The following MTBP variants were observed in gnomAD, a reference collection of about 807,000 sequenced individuals.
MTBP encodes the protein MDM2 binding protein, also known as mdm2-binding protein.
In MTBP, 101 loss-of-function variants were observed where a neutral mutation model predicts 117.0. That is an observed-to-expected ratio of 0.86 (90% CI 0.73 to 1.02). The LOEUF (loss-of-function observed/expected upper bound fraction) is 1.02. MTBP is among the 50% of genes least tolerant of loss of function. MTBP has a pLI of 0.00. For missense variants in MTBP, 970 were observed against 1,030.9 expected, an observed-to-expected ratio of 0.94 and a Z score of 0.81; for synonymous variants, 350 against 351.5, an observed-to-expected ratio of 1.00 and a Z score of 0.05.
chr8:120,506,669 C>A, intron 15 of MTBP, 37 bp from the exon 16 acceptor site: 1 of 1,442,650 alleles, frequency 6.9e-7, no homozygotes, highest in Non-Finnish European at 9.2e-7. Flanking sequence ...TGGATTGAAT[C>A]CACTTTTAAT....
intron 11 of MTBP, among the ~76,000 whole-genome samples, chr8:120,474,491 ATCAGACTC>A (rs1467231298): frequency 6.6e-6 from 1 of 151,950 alleles, no homozygotes. Context: ...CTTTCTCACT[ATCAGACTC>A]TCAGATCATT....
intron 14 of MTBP, among the ~76,000 whole-genome samples, chr8:120,501,463 T>C (rs1291694117): frequency 1.3e-5 from 2 of 149,628 alleles, no homozygotes; most frequent in Non-Finnish European, 3.0e-5. Context: ...GCAGGAGAAT[T>C]GCTTGAACCC....
At chr8:120,483,151 A>G (rs1040511130) in intron 11 of MTBP, among the ~76,000 whole-genome samples, 6 of 152,056 alleles carry the variant, frequency 3.9e-5, no homozygotes, top group African/African-American at 1.4e-4. Context: ...AGGCTAGGAA[A>G]TACATTTTTG....
intron 11 of MTBP, among the ~76,000 whole-genome samples, chr8:120,483,384 T>TTTCTTTATGAAATATATATAATATATG: frequency 6.6e-6 from 1 of 152,168 alleles, no homozygotes; most frequent in African/African-American, 2.4e-5. Context: ...TATTTTGCCA[T>TTTCTTTATGAAATATATATAATATATG]TTCTTTATGA....
chr8:120,477,299 C>G (rs958167882), intron 11 of MTBP, among the ~76,000 whole-genome samples: 2 of 152,128 alleles, frequency 1.3e-5, no homozygotes, highest in Non-Finnish European at 2.9e-5. Flanking sequence ...CATAAAAACC[C>G]TAGAAGAAAA....
intron 19 of MTBP, among the ~76,000 whole-genome samples, 155 bp from the exon 20 acceptor site, chr8:120,518,549 A>G (rs1257624413): frequency 9.9e-6 from 1 of 101,182 alleles, no homozygotes; most frequent in Non-Finnish European, 2.7e-5. Flanking sequence ...TAAATGTTAG[A>G]TCTTTTTTTT....
rs1814257570 is a variant in MTBP, at chr8:120,488,151, T to C, written c.1166-8T>C. 3 of 1,577,874 alleles carry C rather than the reference T, an allele frequency of 1.9e-6. No homozygotes were observed. The South Asian group carries it at 3.6e-5, about 19-fold the overall frequency. On this transcript the variant is annotated splice_polypyrimidine_tract_variant and splice_region_variant and intron_variant, in intron 11 of 21. Transcript: ENST00000305949. ...CACATACTTAACAAGATAATTGTTT[T>C]TGTTTAGTTCCAGATGTTGAAGTGA...
chr8:120,446,220 G>A (rs575701723), intron 1 of MTBP, among the ~76,000 whole-genome samples: 12 of 152,104 alleles, frequency 7.9e-5, no homozygotes, highest in Admixed American at 5.9e-4. Flanking sequence ...TTTTGCATTC[G>A]TGCTAACTGA....
At chr8:120,461,343 G>A in intron 9 of MTBP, 88 bp downstream of exon 9, 2 of 881,536 alleles carry the variant, frequency 2.3e-6, no homozygotes, top group East Asian at 2.6e-5. Context: ...ATACATGTTA[G>A]GTATATCTTT....
rs1201062864 is a variant in MTBP at position 120,459,910 on chromosome 8, A to T, written c.882+561A>T. Among the ~76,000 whole-genome samples the T allele has an allele frequency of 2.0e-5, 3 of 152,300 alleles. No homozygotes were observed. In the East Asian group the frequency reaches 5.8e-4, roughly 29 times the overall value. ...CTGTATCTCCTATACATTTATTCTTAAAATGCAAGTAATTATAAAATATAA... is the reference window on the plus strand; with the variant it reads ...CTGTATCTCCTATACATTTATTCTTTAAATGCAAGTAATTATAAAATATAA... On this transcript the variant is annotated intron_variant, in intron 8 of 21. Transcript: ENST00000305949.
At chr8:120,510,546 AG>A (rs1814781199) in intron 17 of MTBP, among the ~76,000 whole-genome samples, 1 of 152,232 alleles carries the variant, frequency 6.6e-6, no homozygotes. Context: ...AACTATAACA[AG>A]GAATGAAATA....
At chr8:120,468,603 C>T (rs1340988058) in intron 10 of MTBP, among the ~76,000 whole-genome samples, 1 of 152,190 alleles carries the variant, frequency 6.6e-6, no homozygotes, top group Non-Finnish European at 1.5e-5. Flanking sequence ...TAGCCCAGTT[C>T]ATTCAACTTT....
At chr8:120,512,805 C>T (rs935297710) in intron 17 of MTBP, among the ~76,000 whole-genome samples, 1 of 151,944 alleles carries the variant, frequency 6.6e-6, no homozygotes, top group African/African-American at 2.4e-5. Flanking sequence ...AATTCAGAAA[C>T]ATGTTTTTTT....
Position 120,445,449 on chromosome 8 carries a change from T to C in MTBP, c.-22T>C. Reference sequence around the variant, plus strand: ...TGGATGTGGAAGCCGAGACCTAAAGTTGGGGGGTGATCTCTGAGGAGATGG... The same window carrying C: ...TGGATGTGGAAGCCGAGACCTAAAGCTGGGGGGTGATCTCTGAGGAGATGG... On this transcript the variant is annotated 5_prime_UTR_variant, in exon 1 of 22. Coordinates refer to ENST00000305949, the MANE Select transcript of MTBP (RefSeq NM_022045.5). 1 of 1,596,084 alleles carries C rather than the reference T, an allele frequency of 6.3e-7. No individual in the cohort carries two copies. The highest frequency in any genetic ancestry group is 8.6e-7 in the Non-Finnish European group (1 of 1,165,794).
intron 13 of MTBP, among the ~76,000 whole-genome samples, chr8:120,490,876 A>G (rs1402831890): frequency 1.3e-5 from 2 of 152,144 alleles, no homozygotes; most frequent in Non-Finnish European, 1.5e-5. Flanking sequence ...TTTTCTATGT[A>G]TAACTCTTGA....
chr8:120,451,277 T>C lies in MTBP; in HGVS notation c.380T>C (p.Phe127Ser). The change falls in exon 4 of 22, where the codon TTT (phenylalanine) becomes TCT (serine). Residue 127 changes from phenylalanine to serine, a missense_variant. Transcript: ENST00000305949. ...GAATGTTTGGGTGCTGTTGAGTGTT[T>C]TGAAGAAGAAGACAGTAATAGCAGG... is the stretch of plus-strand genomic sequence containing the variant. Reference protein sequence around the residue: ...IEECLGAVECFEEEDSNSRES... With the variant: ...IEECLGAVECSEEEDSNSRES... 6.2e-7 allele frequency: 1 copy of C among 1,613,336 alleles called. No individual in the cohort carries two copies. The highest frequency in any genetic ancestry group is 8.5e-7 in the Non-Finnish European group (1 of 1,179,544).
intron 20 of MTBP, among the ~76,000 whole-genome samples, chr8:120,520,411 G>A (rs1350983926): frequency 1.3e-5 from 2 of 152,138 alleles, no homozygotes; most frequent in African/African-American, 4.8e-5. Context: ...AAGAAAATTG[G>A]AGGATTAATA....
In MTBP at chr8:120,483,527, G is replaced by A. The variant is rs183246050; in HGVS notation, c.1166-4632G>A. 2.3e-3 allele frequency among the ~76,000 whole-genome samples: 346 copies of A among 151,950 alleles called. 2 individuals carry two copies. The highest frequency in any genetic ancestry group is 7.6e-3 in the African/African-American group (315 of 41,454). On this transcript the variant is annotated intron_variant, in intron 11 of 21. Transcript: ENST00000305949. ...TTATCCTTTAGATTATTATAATTTT[G>A]TTTACATATTAGCTGTTAAAAATGA...
rs764560700 is a variant in MTBP, at chr8:120,517,987, C to A, written c.2383C>A (p.Pro795Thr). Reference protein sequence around the residue: ...LPVTCPLVPIPSCETPKLATK... With the variant: ...LPVTCPLVPITSCETPKLATK... Reference sequence around the variant, plus strand: ...AGTGACTTGTCCATTGGTTCCAATTCCTAGCTGTGAAACTCCAAAACTTGC... The same window carrying A: ...AGTGACTTGTCCATTGGTTCCAATTACTAGCTGTGAAACTCCAAAACTTGC... The change falls in exon 19 of 22, where the codon CCT becomes ACT. Residue 795 changes from proline (P) to threonine (T), a missense_variant. Coordinates refer to ENST00000305949, the MANE Select transcript of MTBP (RefSeq NM_022045.5). 5.0e-6 allele frequency: 8 copies of A among 1,612,678 alleles called. No homozygotes were observed. Among genetic ancestry groups the A allele is most frequent in the Non-Finnish European group, 6.8e-6 (8 of 1,179,152 alleles).
Sources: gnomAD v4.1 joint callset for allele counts (sites outside exome capture counted in the v4.1 genomes callset) on GRCh38, gnomAD v4.1.1 for gene constraint, MANE v1.5 for transcripts, NCBI Gene and HGNC (gene_info 2026-07-23, HGNC 2026-07-21) for gene names.